The following GRIN2B variants were observed in gnomAD, a reference collection of about 807,000 sequenced individuals.
The protein encoded by GRIN2B is glutamate receptor ionotropic, NMDA 2B.
A neutral mutation model predicts 114.5 loss-of-function variants in GRIN2B; 5 were observed. That is an observed-to-expected ratio of 0.04 (90% CI 0.02 to 0.09). GRIN2B has a LOEUF of 0.09. Ranked by LOEUF, GRIN2B falls within the 10% of genes least tolerant of loss-of-function variation. GRIN2B has a pLI of 1.00. For synonymous variants in GRIN2B, 787 were observed against 745.1 expected (o/e 1.06, Z -0.92); for missense variants, 1,108 against 1,943.5 (o/e 0.57, Z 8.08).
At chr12:13,901,055 C>T (rs1028928426) in intron 2 of GRIN2B, among the ~76,000 whole-genome samples, 46 of 152,176 alleles carry the variant, frequency 3.0e-4, no homozygotes, top group African/African-American at 9.9e-4. Context: ...TAATAGATAA[C>T]GCCAAACAAT....
chr12:13,895,631 C>A (rs1414540168), intron 2 of GRIN2B, among the ~76,000 whole-genome samples: 1 of 152,164 alleles, frequency 6.6e-6, no homozygotes, highest in Admixed American at 6.5e-5. Context: ...GTAAACGGAA[C>A]TCTCCAGATA....
At chr12:13,573,187 C>T (rs367687280) in intron 10 of GRIN2B, among the ~76,000 whole-genome samples, 7 of 149,502 alleles carry the variant, frequency 4.7e-5, no homozygotes, top group African/African-American at 1.7e-4. Context: ...CACGGTGGCT[C>T]ACGCCTGTAA....
intron 5 of GRIN2B, among the ~76,000 whole-genome samples, chr12:13,673,105 C>A (rs1160218956): frequency 1.3e-5 from 2 of 152,104 alleles, no homozygotes; most frequent in African/African-American, 4.8e-5. Context: ...GGTGCTACCA[C>A]AGACGTATGG....
chr12:13,633,935 G>T (rs945261524), intron 5 of GRIN2B, among the ~76,000 whole-genome samples: 1 of 151,478 alleles, frequency 6.6e-6, no homozygotes, highest in East Asian at 1.9e-4. Context: ...GTGCCGGAAT[G>T]ATGGAAGAGC....
chr12:13,773,100 A>G (rs1262617030), intron 3 of GRIN2B, among the ~76,000 whole-genome samples: 1 of 152,172 alleles, frequency 6.6e-6, no homozygotes, highest in Non-Finnish European at 1.5e-5. Context: ...TAGAACTGCA[A>G]AAGTGACCAG....
chr12:13,573,796 C>G (rs1266566029), intron 10 of GRIN2B, among the ~76,000 whole-genome samples: 1 of 152,066 alleles, frequency 6.6e-6, no homozygotes, highest in Non-Finnish European at 1.5e-5. Context: ...TTCCATGGGC[C>G]ACAAAATATC....
rs1948500969 is a variant in GRIN2B, at chr12:13,558,498, A to G, written c.*4285T>C. On this transcript the variant is annotated 3_prime_UTR_variant, in exon 14 of 14. Coordinates refer to ENST00000609686, the MANE Select transcript of GRIN2B (RefSeq NM_000834.5). ...CCAAAAAAAAAAAAAAAATGAACCA[A>G]AGAAACCTAGTTCTTAGTGACATGT... 6.6e-6 allele frequency: 1 copy of G among 152,134 alleles called. No homozygotes were observed. The highest frequency in any genetic ancestry group is 1.5e-5 in the Non-Finnish European group (1 of 68,016). The allele number at this position is 152,134 out of a possible 1,614,324, so 9.4% of individuals were successfully genotyped here. A position where few individuals can be genotyped will look rare whatever the true frequency, so the allele number is the denominator to read the frequency against.
intron 10 of GRIN2B, among the ~76,000 whole-genome samples, chr12:13,602,151 T>A (rs7975006): frequency 6.6e-6 from 1 of 152,084 alleles, no homozygotes; most frequent in Non-Finnish European, 1.5e-5. Context: ...CCCCCTCTCA[T>A]GTGCATTCTG....
chr12:13,680,563 A>T (rs1014642042), intron 4 of GRIN2B, among the ~76,000 whole-genome samples: 7 of 151,866 alleles, frequency 4.6e-5, no homozygotes, highest in African/African-American at 7.3e-5. Context: ...TATAGTTCTA[A>T]TATTACACAG....
At chr12:13,777,026 G>A (rs1864018109) in intron 3 of GRIN2B, among the ~76,000 whole-genome samples, 1 of 152,082 alleles carries the variant, frequency 6.6e-6, no homozygotes, top group African/African-American at 2.4e-5. Context: ...TCCCTAAGGT[G>A]CAAGTTCTCA....
intron 5 of GRIN2B, among the ~76,000 whole-genome samples, chr12:13,672,969 T>G (rs558340794): frequency 6.6e-6 from 1 of 152,284 alleles, no homozygotes; most frequent in East Asian, 1.9e-4. Flanking sequence ...GCTACAAATA[T>G]TTATTGAACT....
At chr12:13,778,701 T>G (rs1864051001) in intron 3 of GRIN2B, among the ~76,000 whole-genome samples, 1 of 152,214 alleles carries the variant, frequency 6.6e-6, no homozygotes, top group Non-Finnish European at 1.5e-5. Flanking sequence ...CCATTTTATT[T>G]GGCCAAAAAT....
At chr12:13,621,627 T>TG in intron 5 of GRIN2B, among the ~76,000 whole-genome samples, 1 of 146,808 alleles carries the variant, frequency 6.8e-6, no homozygotes, top group African/African-American at 2.5e-5. Flanking sequence ...TTTTTTTTTT[T>TG]TTTTTTTTTT....
intron 2 of GRIN2B, among the ~76,000 whole-genome samples, chr12:13,924,364 G>T (rs542212923): frequency 2.6e-5 from 4 of 152,300 alleles, no homozygotes; most frequent in South Asian, 4.1e-4. Context: ...AAATGCCCAG[G>T]CTCTGACAAC....
chr12:13,864,678 T>C (rs1171438996), intron 3 of GRIN2B, among the ~76,000 whole-genome samples: 5 of 152,128 alleles, frequency 3.3e-5, no homozygotes, highest in Non-Finnish European at 7.4e-5. Context: ...CAAAGCAGAA[T>C]AAAACGCTTT....
At chr12:13,897,428 C>T (rs1183643787) in intron 2 of GRIN2B, among the ~76,000 whole-genome samples, 1 of 152,142 alleles carries the variant, frequency 6.6e-6, no homozygotes, top group Non-Finnish European at 1.5e-5. Flanking sequence ...ATAAAGAGCA[C>T]CAGAAGAGCA....
intron 5 of GRIN2B, among the ~76,000 whole-genome samples, chr12:13,649,859 G>A (rs1949798108): frequency 6.6e-6 from 1 of 152,076 alleles, no homozygotes; most frequent in Non-Finnish European, 1.5e-5. Context: ...CATATTCTAA[G>A]TACCCTTCTA....
chr12:13,640,909 A>G (rs1340417735), intron 5 of GRIN2B, among the ~76,000 whole-genome samples: 1 of 152,118 alleles, frequency 6.6e-6, no homozygotes, highest in Non-Finnish European at 1.5e-5. Flanking sequence ...AATAGTAACC[A>G]TTAGTTGTTA....
chr12:13,765,034 G>A (rs971231917), intron 3 of GRIN2B, among the ~76,000 whole-genome samples: 1 of 152,216 alleles, frequency 6.6e-6, no homozygotes, highest in Admixed American at 6.5e-5. Flanking sequence ...CAACTCACCT[G>A]AAGCTATCAG....
Sources: allele counts gnomAD v4.1 joint callset (sites outside exome capture counted in the v4.1 genomes callset), GRCh38; gene constraint gnomAD v4.1.1; transcripts MANE v1.5; gene names NCBI Gene and HGNC (gene_info 2026-07-23, HGNC 2026-07-21).